Variants in SYNJ2 observed in about 807,000 individuals in gnomAD.
SYNJ2 encodes synaptojanin 2.
SYNJ2 carries 116 observed loss-of-function variants against 141.3 expected under a neutral mutation model. The ratio of observed to expected loss-of-function variants is 0.82; its 90% CI spans 0.71 to 0.96. The LOEUF is 0.96. Among genes scored for constraint, SYNJ2 ranks in the 40% least tolerant of loss-of-function variants. The pLI, the probability that SYNJ2 is intolerant of heterozygous loss-of-function variation, is 0.00. For missense variants in SYNJ2, 1,873 were observed against 1,934.8 expected, an observed-to-expected ratio of 0.97 and a Z score of 0.60; for synonymous variants, 745 against 777.7, an observed-to-expected ratio of 0.96 and a Z score of 0.70.
chr6:158,028,355 T>G (rs1583349450), intron 2 of SYNJ2: 1 of 192,414 alleles, frequency 5.2e-6, no homozygotes, highest in Non-Finnish European at 1.1e-5. Context: ...CTGGGGAAGG[T>G]GATTTGGAGA....
Position 158,064,891 on chromosome 6 carries a change from G to T in SYNJ2, c.1425G>T (p.Gly475=). 2 of 1,613,798 alleles carry T rather than the reference G, an allele frequency of 1.2e-6. No individual in the cohort carries two copies. Among genetic ancestry groups the T allele is most frequent in the Non-Finnish European group, 1.7e-6 (2 of 1,179,904 alleles). Residue 475 remains glycine (G), a synonymous_variant, in exon 11 of 27, where the codon GGG becomes GGT. Coordinates refer to ENST00000355585, the MANE Select transcript of SYNJ2 (RefSeq NM_003898.4). The part of the protein sequence containing the change: ...SRTIQSNFFD[G]VKQEAIKLLL... ...CCATCCAGTCCAACTTCTTCGACGG[G>T]GTGAAGCAGGAGGCCATCAAGCTGC...
At chr6:157,992,302 A>G (rs1185521034) in intron 1 of SYNJ2, among the ~76,000 whole-genome samples, 2 of 148,466 alleles carry the variant, frequency 1.3e-5, no homozygotes, top group African/African-American at 2.5e-5. Context: ...TCTGGTAACC[A>G]TCCTTCTATT....
intron 2 of SYNJ2, among the ~76,000 whole-genome samples, chr6:158,018,863 G>A (rs1049673827): frequency 2.6e-5 from 4 of 152,204 alleles, no homozygotes; most frequent in South Asian, 2.1e-4. Flanking sequence ...GGAAATGTGC[G>A]GGCTGCCGAG....
intron 21 of SYNJ2, 77 bp from the exon 22 acceptor site, chr6:158,083,924 C>G (rs574400335): frequency 7.8e-6 from 12 of 1,530,316 alleles, no homozygotes; most frequent in Non-Finnish European, 9.1e-6. Context: ...AGGAGCTGAA[C>G]CAGTCCCACT....
At chr6:158,072,238 T>A (rs747282035) in intron 15 of SYNJ2, among the ~76,000 whole-genome samples, 8 of 152,222 alleles carry the variant, frequency 5.3e-5, no homozygotes, top group Non-Finnish European at 1.0e-4. Context: ...CACACCCTTT[T>A]GACCAATGGA....
intron 2 of SYNJ2, among the ~76,000 whole-genome samples, chr6:158,024,933 C>A (rs1778961015): frequency 6.6e-6 from 1 of 152,198 alleles, no homozygotes; most frequent in Non-Finnish European, 1.5e-5. Context: ...GAATACACTG[C>A]ACAATATATT....
rs1431814376 is a variant in SYNJ2, at chr6:158,095,883, A to G, written c.4010A>G (p.Lys1337Arg). 1.2e-6 allele frequency: 2 copies of G among 1,613,992 alleles called. No homozygotes were observed. Among genetic ancestry groups the G allele is most frequent in the Non-Finnish European group, 1.7e-6 (2 of 1,180,006 alleles). The change falls in exon 27 of 27, where the codon AAG (lysine) becomes AGG (arginine). Residue 1337 changes from lysine (K) to arginine (R), a missense_variant. By Grantham distance (26) the Lys-to-Arg change is conservative. Coordinates refer to ENST00000355585, the MANE Select transcript of SYNJ2 (RefSeq NM_003898.4). ...GTGCCCAAGGTACCCCCGAGGAGGA[A>G]GAAGTCAGCCCCCGCAGCCTTCCAC... is the stretch of plus-strand genomic sequence containing the variant. ...PLVPKVPPRR[K>R]KSAPAAFHLQ...
At chr6:158,042,296 T>C (rs144130250) in intron 4 of SYNJ2, among the ~76,000 whole-genome samples, 171 of 152,386 alleles carry the variant, frequency 1.1e-3, no homozygotes, top group African/African-American at 3.5e-3. Context: ...AGTTTGACAA[T>C]GTAGATACCA....
rs146286737 is a variant in SYNJ2, at chr6:158,015,987, C to A, written c.128-1217C>A. Reference sequence around the variant, plus strand: ...AATCTAATTTTAGAATATTTTTGTCCCCCTTAAAAGAAGCTTCGTACTCAT... The same window carrying A: ...AATCTAATTTTAGAATATTTTTGTCACCCTTAAAAGAAGCTTCGTACTCAT... On this transcript the variant is annotated intron_variant, in intron 1 of 26. Transcript: ENST00000355585. 1.5e-3 allele frequency among the ~76,000 whole-genome samples: 231 copies of A among 152,204 alleles called. 4 individuals are homozygous for A. Among genetic ancestry groups the A allele is most frequent in the African/African-American group, 5.2e-3 (215 of 41,536 alleles).
At chr6:158,068,856 G>T (rs1781731153) in intron 13 of SYNJ2, 128 bp downstream of exon 13, 1 of 959,134 alleles carries the variant, frequency 1.0e-6, no homozygotes, top group Non-Finnish European at 1.6e-6. Context: ...CCCTGGCTGT[G>T]TGGGGATCTC....
In SYNJ2 at chr6:158,096,326, A is replaced by G. The variant is rs1316255936; in HGVS notation, c.4453A>G (p.Thr1485Ala). 5 of 1,613,096 alleles carry G rather than the reference A, an allele frequency of 3.1e-6. No homozygotes were observed. In the South Asian group the frequency reaches 3.3e-5, roughly 11 times the overall value. ...GACAATCAGTGACCAAGAAAAGAGG[A>G]CAGCACTGCAGGTGTTTGACCCACT... ...WVTISDQEKR[T>A]ALQVFDPLAK... The change falls in exon 27 of 27, where the codon ACA (threonine) becomes GCA (alanine). Residue 1485 changes from threonine (T) to alanine (A), a missense_variant. By Grantham distance (58) the Thr-to-Ala change is moderately conservative. Coordinates refer to ENST00000355585, the MANE Select transcript of SYNJ2 (RefSeq NM_003898.4).
intron 1 of SYNJ2, among the ~76,000 whole-genome samples, chr6:157,988,297 GGTGGCCA>G (rs1281922726): frequency 6.6e-6 from 1 of 152,250 alleles, no homozygotes; most frequent in Non-Finnish European, 1.5e-5. Context: ...GGGAAGAGAA[GGTGGCCA>G]GGCTGGGGCC....
At chr6:158,092,821 C>A in intron 25 of SYNJ2, 105 bp from the exon 26 acceptor site, 1 of 1,108,222 alleles carries the variant, frequency 9.0e-7, no homozygotes, top group East Asian at 2.7e-5. Context: ...TCCTGAAATA[C>A]ACTGAATTAG....
At chr6:158,045,592 C>G (rs1227143676) in intron 5 of SYNJ2, among the ~76,000 whole-genome samples, 2 of 149,486 alleles carry the variant, frequency 1.3e-5, no homozygotes, top group Non-Finnish European at 3.0e-5. Context: ...ACCCTCAGTC[C>G]TTGGAGGGAG....
intron 25 of SYNJ2, among the ~76,000 whole-genome samples, chr6:158,091,749 C>T (rs1483441972): frequency 1.8e-5 from 2 of 108,690 alleles, no homozygotes; most frequent in Non-Finnish European, 1.8e-5. Context: ...GACTCTGTCT[C>T]ATAAAAAAAA....
intron 5 of SYNJ2, among the ~76,000 whole-genome samples, chr6:158,047,199 A>T (rs1780286298): frequency 6.6e-6 from 1 of 152,188 alleles, no homozygotes; most frequent in Non-Finnish European, 1.5e-5. Context: ...CCCACGATGC[A>T]TGCCGTGGGT....
At chr6:157,987,454 G>A (rs1562306788) in intron 1 of SYNJ2, among the ~76,000 whole-genome samples, 1 of 151,944 alleles carries the variant, frequency 6.6e-6, no homozygotes, top group Admixed American at 6.5e-5. Flanking sequence ...AGGCTGGAGT[G>A]CAGTGGCACC....
chr6:158,071,460 C>G lies in SYNJ2; in HGVS notation c.1941-142C>G. On this transcript the variant is annotated intron_variant, in intron 14 of 26. Coordinates refer to ENST00000355585, the MANE Select transcript of SYNJ2 (RefSeq NM_003898.4). The surrounding 1 kb of genome is among the most constrained non-coding windows in gnomAD (Gnocchi z 4.3). ...CCTGACCAGGAGTCGATGACGGCCA[C>G]GGTGGCCACTGTGTTGAGCTGATGA... The G allele has an allele frequency of 1.1e-6, 1 of 932,712 alleles. No individual in the cohort carries two copies. The highest frequency in any genetic ancestry group is 1.6e-6 in the Non-Finnish European group (1 of 639,458). The allele number at this position is 932,712 out of a possible 1,614,324, so 57.8% of individuals were successfully genotyped here. A position where few individuals can be genotyped will look rare whatever the true frequency, so the allele number is the denominator to read the frequency against.
Position 158,076,773 on chromosome 6 carries a change from G to A in SYNJ2, c.2440G>A (p.Asp814Asn). 1 of 1,611,636 alleles carries A rather than the reference G, an allele frequency of 6.2e-7. No individual in the cohort carries two copies. The highest frequency in any genetic ancestry group is 1.3e-5 in the African/African-American group (1 of 74,868). The change falls in exon 17 of 27, where the codon GAT becomes AAT. Residue 814 changes from aspartate (D) to asparagine (N), a missense_variant. Physicochemically the swap from Asp to Asn is conservative, Grantham distance 23. Coordinates refer to ENST00000355585, the MANE Select transcript of SYNJ2 (RefSeq NM_003898.4). Reference sequence around the variant, plus strand: ...GTGGTGGAGGAAGAAACATCCCTTTGATAAAACAGGTGAGGGGGCCGTGCC... The same window carrying A: ...GTGGTGGAGGAAGAAACATCCCTTTAATAAAACAGGTGAGGGGGCCGTGCC... ...VLWWRKKHPF[D>N]KTAGELNLLD...
Sources: gnomAD v4.1 joint callset for allele counts (sites outside exome capture counted in the v4.1 genomes callset) on GRCh38, gnomAD v4.1.1 for gene constraint, Gnocchi (gnomAD v3.1) non-coding constraint, MANE v1.5 for transcripts, NCBI Gene and HGNC (gene_info 2026-07-23, HGNC 2026-07-21) for gene names.